Variants in ZNF407 observed in about 807,000 individuals in gnomAD.
ZNF407 encodes the protein zinc finger protein 407.
A neutral mutation model predicts 131.2 loss-of-function variants in ZNF407; 17 were observed. That is an observed-to-expected ratio of 0.13 (90% CI 0.09 to 0.19). The LOEUF (loss-of-function observed/expected upper bound fraction) is 0.19. Ranked by LOEUF, ZNF407 falls within the 10% of genes least tolerant of loss-of-function variation. ZNF407 has a pLI of 1.00. For missense variants in ZNF407, 2,681 were observed against 2,830.6 expected (o/e 0.95, Z 1.20); for synonymous variants, 1,156 against 1,062.0 (o/e 1.09, Z -1.72).
chr18:74,722,174 A>G (rs1336431749), intron 3 of ZNF407, among the ~76,000 whole-genome samples: 1 of 151,516 alleles, frequency 6.6e-6, no homozygotes, highest in Non-Finnish European at 1.5e-5. Context: ...ATCAAATTTG[A>G]GGAACTTTCA....
rs545484893 is a variant in ZNF407 at position 74,854,977 on chromosome 18, C to T, written c.4878-22220C>T. 1.0e-3 allele frequency among the ~76,000 whole-genome samples: 152 copies of T among 152,228 alleles called. 1 individual carries two copies. The highest frequency in any genetic ancestry group is 3.2e-3 in the African/African-American group (134 of 41,542). On this transcript the variant is annotated intron_variant, in intron 4 of 8. Coordinates refer to ENST00000299687, the MANE Select transcript of ZNF407 (RefSeq NM_017757.3). The stretch of plus-strand genomic sequence containing the variant: ...TTCTTTCTTGTTAGGCATTTTTATT[C>T]TCAATCTATATATAGTTTTCAATTT...
intron 7 of ZNF407, among the ~76,000 whole-genome samples, chr18:74,917,490 T>C (rs1165524410): frequency 6.6e-6 from 1 of 152,180 alleles, no homozygotes; most frequent in Admixed American, 6.5e-5. Context: ...TTATTTTATA[T>C]TTTCAAATAA....
chr18:74,864,895 C>T (rs1306319682), intron 4 of ZNF407, among the ~76,000 whole-genome samples: 3 of 152,108 alleles, frequency 2.0e-5, no homozygotes, highest in Non-Finnish European at 2.9e-5. Flanking sequence ...ATATTTTTTC[C>T]ATTGAGCACC....
chr18:74,943,689 G>A (rs7243542), intron 8 of ZNF407, among the ~76,000 whole-genome samples: 9 of 152,136 alleles, frequency 5.9e-5, no homozygotes, highest in African/African-American at 1.4e-4. Context: ...ACTATTTCCC[G>A]TGAAGTAACT....
At position 74,635,054 on chromosome 18, in the gene ZNF407, T is replaced by C. The variant is rs1984383524; in HGVS notation, c.4035T>C (p.Asp1345=). ...DVYETIISID[D]KGQAMYSFGR... is the part of the protein sequence containing the mutation. Reference sequence around the variant, plus strand: ...ATGAAACTATAATTAGTATTGATGATAAAGGGCAGGCCATGTACAGTTTTG... The same window carrying C: ...ATGAAACTATAATTAGTATTGATGACAAAGGGCAGGCCATGTACAGTTTTG... The change falls in exon 2 of 9, where the codon GAT becomes GAC. Residue 1345 remains aspartate (D), a synonymous_variant. Transcript: ENST00000299687. The surrounding 1 kb of genome is among the most constrained non-coding windows in gnomAD (Gnocchi z 4.7). The C allele has an allele frequency of 1.9e-6, 3 of 1,613,858 alleles. No individual in the cohort carries two copies. In the Admixed American group the frequency reaches 5.0e-5, roughly 27 times the overall value.
intron 4 of ZNF407, among the ~76,000 whole-genome samples, chr18:74,822,010 C>T (rs1599176717): frequency 6.6e-6 from 1 of 152,200 alleles, no homozygotes; most frequent in Non-Finnish European, 1.5e-5. Context: ...ATTTGCATTT[C>T]TCTAATGACC....
At chr18:75,043,738 C>T (rs887738064) in intron 8 of ZNF407, among the ~76,000 whole-genome samples, 1 of 152,206 alleles carries the variant, frequency 6.6e-6, no homozygotes. Flanking sequence ...GCAAATTTAA[C>T]AAGTTGACCC....
At position 75,063,682 on chromosome 18, in the gene ZNF407, A is replaced by T. The variant is rs775919479; in HGVS notation, c.5961A>T (p.Ser1987=). 1 of 1,611,176 alleles carries T rather than the reference A, an allele frequency of 6.2e-7. No homozygotes were observed. The highest frequency in any genetic ancestry group is 2.2e-5 in the East Asian group (1 of 44,794). The change falls in exon 9 of 9, where the codon TCA becomes TCT. Residue 1987 remains serine, a synonymous_variant. Transcript: ENST00000299687. The surrounding 1 kb of genome is among the most constrained non-coding windows in gnomAD (Gnocchi z 6.6). ...EAGVAPPEAS[S]ALDALLCAVT... ...GAGTCGCTCCCCCCGAGGCATCCTCAGCCCTGGATGCATTGCTCTGTGCGG... is the reference window on the plus strand; with the variant it reads ...GAGTCGCTCCCCCCGAGGCATCCTCTGCCCTGGATGCATTGCTCTGTGCGG...
chr18:74,940,758 C>T (rs925283140), intron 8 of ZNF407, among the ~76,000 whole-genome samples: 14 of 152,298 alleles, frequency 9.2e-5, no homozygotes, highest in South Asian at 4.1e-4. Context: ...CTGTCTGCGG[C>T]GCACAGCTTG....
At chr18:74,773,722 G>T (rs765979039) in intron 3 of ZNF407, among the ~76,000 whole-genome samples, 26 of 152,188 alleles carry the variant, frequency 1.7e-4, no homozygotes, top group Non-Finnish European at 3.5e-4. Context: ...ACTGATTGTT[G>T]CAGTGAGCAC....
At chr18:74,946,536 C>T (rs1295783510) in intron 8 of ZNF407, among the ~76,000 whole-genome samples, 5 of 152,182 alleles carry the variant, frequency 3.3e-5, no homozygotes, top group Admixed American at 1.3e-4. Context: ...CCACACTTTA[C>T]AGTGATTCAT....
chr18:74,979,350 G>A (rs1262783575), intron 8 of ZNF407, among the ~76,000 whole-genome samples: 1 of 152,152 alleles, frequency 6.6e-6, no homozygotes, highest in Non-Finnish European at 1.5e-5. Flanking sequence ...GGAGTGCAGT[G>A]GTGCAATCTC....
At chr18:74,808,139 G>A (rs1970141177) in intron 4 of ZNF407, among the ~76,000 whole-genome samples, 2 of 151,950 alleles carry the variant, frequency 1.3e-5, no homozygotes, top group Admixed American at 1.3e-4. Flanking sequence ...TCAGTCTCCC[G>A]AGTAGCTGGG....
chr18:74,690,495 T>C (rs1967196030), intron 3 of ZNF407, among the ~76,000 whole-genome samples: 1 of 151,846 alleles, frequency 6.6e-6, no homozygotes, highest in East Asian at 1.9e-4. Flanking sequence ...GTTTAAAACA[T>C]AATGGCCTTT....
intron 4 of ZNF407, among the ~76,000 whole-genome samples, chr18:74,799,185 C>T (rs951292208): frequency 6.6e-6 from 1 of 152,006 alleles, no homozygotes; most frequent in Non-Finnish European, 1.5e-5. Context: ...GCAATTAAAC[C>T]TTCAGCAAAA....
intron 8 of ZNF407, among the ~76,000 whole-genome samples, chr18:74,994,461 G>A (rs1972755984): frequency 1.3e-5 from 2 of 152,196 alleles, no homozygotes; most frequent in African/African-American, 2.4e-5. Context: ...AAATAACTGG[G>A]AAGAGCCACA....
intron 7 of ZNF407, among the ~76,000 whole-genome samples, chr18:74,908,405 T>C (rs1365219082): frequency 6.6e-6 from 1 of 152,156 alleles, no homozygotes; most frequent in Non-Finnish European, 1.5e-5. Context: ...TTTTTTCCTA[T>C]AAAATAAGCA....
chr18:75,059,601 C>T (rs1349995980), intron 8 of ZNF407, among the ~76,000 whole-genome samples: 7 of 152,102 alleles, frequency 4.6e-5, no homozygotes, highest in Non-Finnish European at 1.0e-4. Context: ...GGAGAAATTG[C>T]AAGCATACCA....
At chr18:74,645,106 A>T (rs1440835595) in intron 3 of ZNF407, among the ~76,000 whole-genome samples, 1 of 144,120 alleles carries the variant, frequency 6.9e-6, no homozygotes, top group Non-Finnish European at 1.5e-5. Flanking sequence ...ATTTTTTCCC[A>T]CTCATTCATG....
Sources: gnomAD v4.1 joint callset for allele counts (sites outside exome capture counted in the v4.1 genomes callset) on GRCh38, gnomAD v4.1.1 for gene constraint, Gnocchi (gnomAD v3.1) non-coding constraint, MANE v1.5 for transcripts, NCBI Gene and HGNC (gene_info 2026-07-23, HGNC 2026-07-21) for gene names.